NGEF: variants seen among roughly 807,000 people sequenced by gnomAD.
NGEF encodes ephexin-1.
NGEF carries 31 observed loss-of-function variants against 80.9 expected under a neutral mutation model. The ratio of observed to expected loss-of-function variants is 0.38; its 90% CI spans 0.29 to 0.52. The LOEUF is 0.52. NGEF is among the 20% of genes least tolerant of loss of function. The pLI is 0.84. For synonymous variants in NGEF, 371 were observed against 370.2 expected (o/e 1.00, Z -0.03); for missense variants, 709 against 926.2 (o/e 0.77, Z 3.04).
intron 2 of NGEF, among the ~76,000 whole-genome samples, chr2:232,970,789 T>C (rs1456153747): frequency 9.0e-6 from 1 of 111,310 alleles, no homozygotes; most frequent in Admixed American, 8.4e-5. Context: ...CACTCCAGCC[T>C]GGGTGAAAAA....
chr2:232,892,791 A>G lies in NGEF; in HGVS notation c.1142+107T>C, dbSNP rs919312423. ...GCTCATGTGGACCTTGGGAACGCAG[A>G]GGTAAAGGACCATGAAGTGTCACCG... On this transcript the variant is annotated intron_variant, in intron 7 of 14. Coordinates refer to ENST00000264051, the MANE Select transcript of NGEF (RefSeq NM_019850.3). This position sits in a 1 kb window ranked among gnomAD's most constrained non-coding sequence, Gnocchi z 4.0. 2.7e-5 allele frequency: 34 copies of G among 1,244,358 alleles called. No individual in the cohort carries two copies. The highest frequency in any genetic ancestry group is 3.7e-5 in the Non-Finnish European group (33 of 886,210). The allele number at this position is 1,244,358 out of a possible 1,614,324, so 77.1% of individuals were successfully genotyped here. A position where few individuals can be genotyped will look rare whatever the true frequency, so the allele number is the denominator to read the frequency against.
At chr2:232,965,900 G>C (rs780450648) in intron 3 of NGEF, among the ~76,000 whole-genome samples, 6 of 151,946 alleles carry the variant, frequency 3.9e-5, no homozygotes, top group Non-Finnish European at 7.4e-5. Context: ...GCTGGACTTG[G>C]TGTACAAACA....
At chr2:232,943,933 A>G (rs935459963) in intron 3 of NGEF, among the ~76,000 whole-genome samples, 1 of 152,068 alleles carries the variant, frequency 6.6e-6, no homozygotes, top group African/African-American at 2.4e-5. Context: ...GACACTAAGT[A>G]ATAGAACTAC....
At chr2:232,909,096 G>C (rs1485971036) in intron 5 of NGEF, among the ~76,000 whole-genome samples, 1 of 152,152 alleles carries the variant, frequency 6.6e-6, no homozygotes, top group Non-Finnish European at 1.5e-5. Context: ...ACCCTGGATA[G>C]AGCTTCCAGG....
chr2:232,942,147 C>G (rs1693450225), intron 3 of NGEF, among the ~76,000 whole-genome samples: 2 of 152,222 alleles, frequency 1.3e-5, no homozygotes, highest in Non-Finnish European at 2.9e-5. Flanking sequence ...GGCTCAATGC[C>G]ACCTCCTCCA....
At position 232,913,904 on chromosome 2, in the gene NGEF, A is replaced by T. The variant is rs549016153; in HGVS notation, c.828+6380T>A. 2.5e-3 allele frequency among the ~76,000 whole-genome samples: 384 copies of T among 152,348 alleles called. 1 individual carries two copies. The highest frequency in any genetic ancestry group is 8.7e-3 in the African/African-American group (360 of 41,580). On this transcript the variant is annotated intron_variant, in intron 5 of 14. Transcript: ENST00000264051. ...CACTGCACTCCAGCCTGGGCAACAG[A>T]GTGAGACTCCATCTCAAAAAATAAA...
rs375393249 is a variant in NGEF at position 232,979,357 on chromosome 2, T to TACACAC, written c.-74-4399_-74-4394dup. On this transcript the variant is annotated intron_variant, in intron 1 of 14. Coordinates refer to ENST00000264051, the MANE Select transcript of NGEF (RefSeq NM_019850.3). ...GATCTTACCACCTTTGAGATGATTTTACACACACACACACACACACACACA... is the reference window on the plus strand; with the variant it reads ...GATCTTACCACCTTTGAGATGATTTTACACACACACACACACACACACACACACACA... Among the ~76,000 whole-genome samples the TACACAC allele has an allele frequency of 9.4e-3, 1,036 of 110,352 alleles. 13 individuals are homozygous for TACACAC. The highest frequency in any genetic ancestry group is 0.057 in the South Asian group (219 of 3,836). 72.4% of individuals were successfully genotyped at this position (110,352 alleles called of 152,430 possible).
Position 232,920,497 on chromosome 2 carries a change from G to A in NGEF, c.615C>T (p.Thr205=). 6.2e-7 allele frequency: 1 copy of A among 1,604,262 alleles called. No homozygotes were observed. Among genetic ancestry groups the A allele is most frequent in the Admixed American group, 1.7e-5 (1 of 59,038 alleles). ...TGTCCTCACTGGCCGGGGACCCATT[G>A]GTATTGTCTTCTATTTCTGCATCCT... is the stretch of plus-strand genomic sequence containing the variant. The part of the protein sequence containing the change: ...RQQDAEIEDN[T]NGSPASEDTP... Residue 205 remains threonine (T), a synonymous_variant, in exon 5 of 15, where the codon ACC becomes ACT. Coordinates refer to ENST00000264051, the MANE Select transcript of NGEF (RefSeq NM_019850.3).
chr2:232,885,232 C>T, intron 10 of NGEF, 48 bp downstream of exon 10: 1 of 1,558,444 alleles, frequency 6.4e-7, no homozygotes, highest in Non-Finnish European at 8.8e-7. Flanking sequence ...GGGGCGGGGC[C>T]AGGGGCCTGT....
chr2:232,942,786 C>G (rs1693462811), intron 3 of NGEF, among the ~76,000 whole-genome samples: 1 of 117,834 alleles, frequency 8.5e-6, no homozygotes, highest in African/African-American at 3.5e-5. Flanking sequence ...GCAGGAGACT[C>G]CGTCTCAAAA....
At chr2:232,970,443 G>A in intron 2 of NGEF, 115 bp from the exon 3 acceptor site, 2 of 644,136 alleles carry the variant, frequency 3.1e-6, no homozygotes, top group African/African-American at 1.9e-5. Context: ...AGGAAGCAGA[G>A]TGGGAAGGGG....
intron 1 of NGEF, among the ~76,000 whole-genome samples, chr2:232,991,382 A>G (rs1380197413): frequency 1.3e-5 from 2 of 152,106 alleles, no homozygotes; most frequent in Non-Finnish European, 2.9e-5. Flanking sequence ...TGGAACTAAT[A>G]AACAAGTTCA....
chr2:232,960,399 T>C (rs1455498075), intron 3 of NGEF, among the ~76,000 whole-genome samples: 1 of 152,136 alleles, frequency 6.6e-6, no homozygotes, highest in Non-Finnish European at 1.5e-5. Context: ...TACTGGGGGC[T>C]TTGGACTTTG....
intron 1 of NGEF, among the ~76,000 whole-genome samples, chr2:232,982,572 G>A (rs1233654034): frequency 6.6e-6 from 1 of 152,140 alleles, no homozygotes; most frequent in Non-Finnish European, 1.5e-5. Flanking sequence ...GGAGTGCAGT[G>A]GCACGATCTC....
At chr2:232,938,402 T>G (rs1014105223) in intron 3 of NGEF, among the ~76,000 whole-genome samples, 1 of 152,184 alleles carries the variant, frequency 6.6e-6, no homozygotes, top group African/African-American at 2.4e-5. Context: ...AACTCGTGGA[T>G]AAGATGCTGC....
At chr2:232,956,776 C>A in intron 3 of NGEF, among the ~76,000 whole-genome samples, 1 of 77,078 alleles carries the variant, frequency 1.3e-5, no homozygotes, top group African/African-American at 6.5e-5. Context: ...GAGCAAGACT[C>A]CATCTAAAAA....
intron 11 of NGEF, 151 bp downstream of exon 11, chr2:232,883,830 A>G (rs1017391887): frequency 2.5e-6 from 2 of 813,514 alleles, no homozygotes; most frequent in African/African-American, 3.5e-5. Context: ...CTAAAGGCCC[A>G]AAGCTGGGCC....
intron 3 of NGEF, among the ~76,000 whole-genome samples, chr2:232,946,256 G>T (rs1439215916): frequency 6.6e-6 from 1 of 151,932 alleles, no homozygotes; most frequent in African/African-American, 2.4e-5. Context: ...ACGTAAGAAT[G>T]ACACAGTGGA....
At chr2:232,957,144 A>C (rs552519338) in intron 3 of NGEF, among the ~76,000 whole-genome samples, 2 of 152,278 alleles carry the variant, frequency 1.3e-5, no homozygotes, top group South Asian at 4.1e-4. Context: ...TAAAAGAATA[A>C]GTACGATAAG....
Sources: allele counts gnomAD v4.1 joint callset (sites outside exome capture counted in the v4.1 genomes callset), GRCh38; gene constraint gnomAD v4.1.1; non-coding constraint Gnocchi (gnomAD v3.1); transcripts MANE v1.5; gene names NCBI Gene and HGNC (gene_info 2026-07-23, HGNC 2026-07-21).